Variants in MANBAL observed in about 807,000 individuals in gnomAD.
MANBAL encodes mannosidase beta like, also known as protein MANBAL.
Under a neutral mutation model 6.4 loss-of-function variants are expected in MANBAL, and 1 was observed. The ratio of observed to expected loss-of-function variants is 0.16; its 90% CI spans 0.06 to 0.74. MANBAL has a LOEUF of 0.74. Among genes scored for constraint, MANBAL ranks in the 30% least tolerant of loss-of-function variants. The probability of loss-of-function intolerance (pLI) is 0.78; values close to 1 mark genes in which losing one functional copy is unlikely to be tolerated. For missense variants in MANBAL, 100 were observed against 107.8 expected, an observed-to-expected ratio of 0.93 and a Z score of 0.32; for synonymous variants, 47 against 45.8, an observed-to-expected ratio of 1.03 and a Z score of -0.10.
chr20:37,291,658 C>G (rs2068873121), intron 1 of MANBAL, among the ~76,000 whole-genome samples: 1 of 152,180 alleles, frequency 6.6e-6, no homozygotes, highest in African/African-American at 2.4e-5. Context: ...TTGTAGCTCC[C>G]ATAATCCCCC....
chr20:37,314,174 C>G (rs1471875667), intron 2 of MANBAL, among the ~76,000 whole-genome samples: 7 of 152,068 alleles, frequency 4.6e-5, no homozygotes, highest in Non-Finnish European at 1.0e-4. Flanking sequence ...TAGAGGGGGT[C>G]ATGTCAGCAG....
intron 2 of MANBAL, among the ~76,000 whole-genome samples, chr20:37,308,389 A>G (rs368946146): frequency 1.3e-5 from 2 of 152,144 alleles, no homozygotes; most frequent in South Asian, 2.1e-4. Context: ...TGGTTCATGG[A>G]GAGCACATGT....
chr20:37,296,959 C>T (rs2069011726), intron 1 of MANBAL: 1 of 152,168 alleles, frequency 6.6e-6, no homozygotes, highest in African/African-American at 2.4e-5. Context: ...TATTTCTTAT[C>T]ACAATGTTGC....
At position 37,317,218 on chromosome 20, in the gene MANBAL, C is replaced by T. The variant is rs1457988947; in HGVS notation, c.*803C>T. On this transcript the variant is annotated 3_prime_UTR_variant, in exon 3 of 3. Transcript: ENST00000373606. ...CATTCCCTGACCAGTGAGAGGGTTC[C>T]TGGGGGAAGTATGGTGAATAAACTG... 6.6e-6 allele frequency: 1 copy of T among 152,644 alleles called. No individual in the cohort carries two copies. The highest frequency in any genetic ancestry group is 2.4e-5 in the African/African-American group (1 of 41,426). The allele number at this position is 152,644 out of a possible 1,614,324, so 9.5% of individuals were successfully genotyped here.
intron 1 of MANBAL, among the ~76,000 whole-genome samples, chr20:37,300,949 C>T (rs1022793608): frequency 2.0e-5 from 3 of 151,810 alleles, no homozygotes; most frequent in African/African-American, 4.8e-5. Context: ...TCAAGACCAG[C>T]GTGGCCAACG....
At chr20:37,299,101 G>A (rs1600902255) in intron 1 of MANBAL, among the ~76,000 whole-genome samples, 1 of 151,766 alleles carries the variant, frequency 6.6e-6, no homozygotes, top group East Asian at 1.9e-4. Flanking sequence ...GTCGGGTGGG[G>A]GCAGGGTCTC....
intron 2 of MANBAL, among the ~76,000 whole-genome samples, chr20:37,307,420 C>T (rs945428396): frequency 3.9e-5 from 6 of 152,046 alleles, no homozygotes; most frequent in South Asian, 2.1e-4. Context: ...CAAAATGTTC[C>T]GTGTGGGAAA....
At chr20:37,306,416 A>G (rs1053706393) in intron 2 of MANBAL, among the ~76,000 whole-genome samples, 3 of 152,222 alleles carry the variant, frequency 2.0e-5, no homozygotes, top group African/African-American at 7.2e-5. Flanking sequence ...AAAAGAGGGA[A>G]CACATACAAA....
In MANBAL at chr20:37,316,299, A is replaced by G; in HGVS notation, c.151-9A>G. Reference sequence around the variant, plus strand: ...TCTAAGCAGGACTCTCCTTTTTATCACCTCACAGGAGGCTGAACCGTCTGA... The same window carrying G: ...TCTAAGCAGGACTCTCCTTTTTATCGCCTCACAGGAGGCTGAACCGTCTGA... On this transcript the variant is annotated splice_polypyrimidine_tract_variant and intron_variant, in intron 2 of 2. Transcript: ENST00000373606. 1.9e-6 allele frequency: 3 copies of G among 1,611,950 alleles called. No homozygotes were observed. Among genetic ancestry groups the G allele is most frequent in the Non-Finnish European group, 2.5e-6 (3 of 1,179,110 alleles).
chr20:37,292,791 A>G (rs1322440805), intron 1 of MANBAL, among the ~76,000 whole-genome samples: 1 of 152,064 alleles, frequency 6.6e-6, no homozygotes, highest in Non-Finnish European at 1.5e-5. Context: ...CTTTCTTTCT[A>G]TTCCAGACTC....
At chr20:37,292,093 C>T (rs1252290211) in intron 1 of MANBAL, among the ~76,000 whole-genome samples, 1 of 152,132 alleles carries the variant, frequency 6.6e-6, no homozygotes, top group Non-Finnish European at 1.5e-5. Context: ...CAGGCTTTTC[C>T]AGTGTAGAGT....
intron 2 of MANBAL, among the ~76,000 whole-genome samples, chr20:37,310,448 G>T (rs908871534): frequency 2.6e-5 from 4 of 152,196 alleles, no homozygotes; most frequent in Non-Finnish European, 5.9e-5. Context: ...TGTTCTTAGA[G>T]GGTCATGCAA....
chr20:37,303,530 A>G (rs1292094313), intron 2 of MANBAL, among the ~76,000 whole-genome samples: 2 of 152,178 alleles, frequency 1.3e-5, no homozygotes, highest in South Asian at 2.1e-4. Flanking sequence ...TGTTCTCAAT[A>G]ACATTAACAA....
intron 1 of MANBAL, chr20:37,296,751 A>C (rs759139650): frequency 2.0e-5 from 3 of 152,134 alleles, no homozygotes; most frequent in Non-Finnish European, 2.9e-5. Flanking sequence ...GGCTCTTGTT[A>C]TATTTTGTCT....
At chr20:37,291,269 T>C (rs1352830692) in intron 1 of MANBAL, among the ~76,000 whole-genome samples, 1 of 152,180 alleles carries the variant, frequency 6.6e-6, no homozygotes, top group Non-Finnish European at 1.5e-5. Flanking sequence ...ACGTTTCCCC[T>C]ATTACTAATA....
intron 2 of MANBAL, among the ~76,000 whole-genome samples, chr20:37,304,524 T>TC (rs1044258027): frequency 6.6e-6 from 1 of 152,204 alleles, no homozygotes; most frequent in Non-Finnish European, 1.5e-5. Context: ...ATATTTATAT[T>TC]CCCCCCTTCA....
intron 2 of MANBAL, among the ~76,000 whole-genome samples, chr20:37,313,602 A>C (rs1399613063): frequency 6.6e-6 from 1 of 152,030 alleles, no homozygotes; most frequent in East Asian, 1.9e-4. Context: ...GCTACTCAGG[A>C]GGCTGAGGCA....
At chr20:37,295,375 C>T (rs1205901619) in intron 1 of MANBAL, among the ~76,000 whole-genome samples, 1 of 152,150 alleles carries the variant, frequency 6.6e-6, no homozygotes, top group Non-Finnish European at 1.5e-5. Flanking sequence ...AAATTTGATC[C>T]AGCACATGCA....
chr20:37,301,480 G>C, intron 2 of MANBAL, 67 bp downstream of exon 2: 1 of 1,530,298 alleles, frequency 6.5e-7, no homozygotes, highest in Non-Finnish European at 8.9e-7. Flanking sequence ...CTAACAGTAG[G>C]TGCCACCACA....
Sources: allele counts gnomAD v4.1 joint callset (sites outside exome capture counted in the v4.1 genomes callset), GRCh38; gene constraint gnomAD v4.1.1; transcripts MANE v1.5; gene names NCBI Gene and HGNC (gene_info 2026-07-23, HGNC 2026-07-21).